IGF2BP3: variants seen among roughly 807,000 people sequenced by gnomAD.
IGF2BP3 encodes the protein insulin-like growth factor 2 mRNA-binding protein 3.
In IGF2BP3, 9 loss-of-function variants were observed where a neutral mutation model predicts 73.8. The ratio of observed to expected loss-of-function variants is 0.12; its 90% CI spans 0.07 to 0.21. The LOEUF (loss-of-function observed/expected upper bound fraction) is 0.21, where lower values mean the gene tolerates loss of function less well. IGF2BP3 is among the 10% of genes least tolerant of loss of function. The probability of loss-of-function intolerance (pLI) is 1.00; values close to 1 mark genes in which losing one functional copy is unlikely to be tolerated. For missense variants in IGF2BP3, 542 were observed against 714.0 expected (o/e 0.76, Z 2.75); for synonymous variants, 258 against 256.7 (o/e 1.01, Z -0.05).
intron 3 of IGF2BP3, among the ~76,000 whole-genome samples, chr7:23,412,841 CCTTTT>C (rs1787067933): frequency 2.3e-5 from 2 of 87,928 alleles, no homozygotes; most frequent in African/African-American, 9.4e-5. Context: ...AAGACTCTGG[CCTTTT>C]TTTTTTTTTT....
chr7:23,375,584 G>A (rs1785692173), intron 3 of IGF2BP3, among the ~76,000 whole-genome samples: 1 of 152,158 alleles, frequency 6.6e-6, no homozygotes, highest in South Asian at 2.1e-4. Context: ...TAAATTACTA[G>A]AGAAAAAGGG....
chr7:23,439,938 C>A (rs1015009557), intron 2 of IGF2BP3, among the ~76,000 whole-genome samples: 2 of 152,178 alleles, frequency 1.3e-5, no homozygotes, highest in Admixed American at 1.3e-4. Flanking sequence ...TGGCCCTTTC[C>A]TCTCTGCCAA....
intron 2 of IGF2BP3, among the ~76,000 whole-genome samples, chr7:23,461,403 C>T (rs1366740255): frequency 6.6e-6 from 1 of 152,188 alleles, no homozygotes; most frequent in Non-Finnish European, 1.5e-5. Flanking sequence ...TATCTGCCTA[C>T]TAACCTTCTT....
rs370085324 is a variant in IGF2BP3 at position 23,350,039 on chromosome 7, TCTC to T, written c.683+1263_683+1265del. On this transcript the variant is annotated intron_variant, in intron 6 of 14. Transcript: ENST00000258729. ...GCATTCAGGTAACCAGCACCCAACA[TCTC>T]CTGCTTCAAAGCAGGGGAAGGCAGG... 5.5e-3 allele frequency among the ~76,000 whole-genome samples: 844 copies of T among 152,202 alleles called. 3 individuals are homozygous for T. The highest frequency in any genetic ancestry group is 0.02 in the African/African-American group (814 of 41,532).
chr7:23,351,284 CCA>C lies in IGF2BP3; in HGVS notation c.683+19_683+20del. The C allele has an allele frequency of 3.1e-6, 5 of 1,611,916 alleles. No individual in the cohort carries two copies. The highest frequency in any genetic ancestry group is 4.2e-6 in the Non-Finnish European group (5 of 1,179,114). On this transcript the variant is annotated intron_variant, in intron 6 of 14. Coordinates refer to ENST00000258729, the MANE Select transcript of IGF2BP3 (RefSeq NM_006547.3). ...CAAGGGGAATTCTCATGAACACCCA[CCA>C]CACACTCAGCATACTCACTTAGACT...
chr7:23,439,374 G>A (rs1787877086), intron 2 of IGF2BP3, among the ~76,000 whole-genome samples: 1 of 151,320 alleles, frequency 6.6e-6, no homozygotes, highest in African/African-American at 2.4e-5. Flanking sequence ...CTAACACGGT[G>A]AAACCCCACC....
At chr7:23,368,668 C>CG (rs1785457707) in intron 3 of IGF2BP3, among the ~76,000 whole-genome samples, 1 of 152,062 alleles carries the variant, frequency 6.6e-6, no homozygotes, top group South Asian at 2.1e-4. Context: ...AAGGCCAAAG[C>CG]GGGCGGATCA....
intron 3 of IGF2BP3, among the ~76,000 whole-genome samples, chr7:23,387,238 A>C (rs549499431): frequency 2.0e-5 from 3 of 152,162 alleles, no homozygotes; most frequent in South Asian, 4.1e-4. Context: ...CAGTCTAATA[A>C]TGGGAAAAAC....
rs1784766742 is a variant in IGF2BP3 at position 23,343,724 on chromosome 7, A to G, written c.1071T>C (p.Ser357=). The G allele has an allele frequency of 6.2e-7, 1 of 1,610,772 alleles. No individual in the cohort carries two copies. Residue 357 remains serine, a synonymous_variant, in exon 9 of 15, where the codon TCT becomes TCC. Transcript: ENST00000258729. ...CCTTCATAACAAAACTAACATTCAT[A>G]GAAGCAATATCATTTTCATAAGACT... ...IRESYENDIA[S]MNLQAHLIPG... is the part of the protein sequence containing the mutation.
intron 3 of IGF2BP3, among the ~76,000 whole-genome samples, chr7:23,417,489 T>C (rs1358873904): frequency 6.6e-6 from 1 of 152,148 alleles, no homozygotes; most frequent in Non-Finnish European, 1.5e-5. Context: ...ATTCTCTAAA[T>C]TTGAAGAGAT....
intron 2 of IGF2BP3, among the ~76,000 whole-genome samples, chr7:23,433,269 A>G (rs1237578236): frequency 6.6e-6 from 1 of 152,094 alleles, no homozygotes; most frequent in Non-Finnish European, 1.5e-5. Context: ...TTAAACAGTG[A>G]TTTTTAGAAA....
At chr7:23,371,360 A>T (rs1785537527) in intron 3 of IGF2BP3, among the ~76,000 whole-genome samples, 1 of 152,200 alleles carries the variant, frequency 6.6e-6, no homozygotes, top group Non-Finnish European at 1.5e-5. Flanking sequence ...TACAAACAGG[A>T]ACTACTTATC....
At chr7:23,409,330 A>G (rs770566311) in intron 3 of IGF2BP3, among the ~76,000 whole-genome samples, 2 of 152,198 alleles carry the variant, frequency 1.3e-5, no homozygotes, top group African/African-American at 2.4e-5. Context: ...TTATTCCAAA[A>G]GGGTTTTTTT....
At chr7:23,372,606 T>C (rs1422808762) in intron 3 of IGF2BP3, among the ~76,000 whole-genome samples, 1 of 152,158 alleles carries the variant, frequency 6.6e-6, no homozygotes, top group East Asian at 1.9e-4. Context: ...GTTACTTCAC[T>C]TAGAATAATA....
chr7:23,414,930 C>T (rs1279682966), intron 3 of IGF2BP3: 1 of 169,080 alleles, frequency 5.9e-6, no homozygotes, highest in Non-Finnish European at 1.3e-5. Flanking sequence ...AAGTCCCTCT[C>T]CGTCAGTCAG....
chr7:23,316,450 G>A (rs996047585), intron 12 of IGF2BP3, among the ~76,000 whole-genome samples: 1 of 152,156 alleles, frequency 6.6e-6, no homozygotes, highest in African/African-American at 2.4e-5. Flanking sequence ...GGGAGGCTAA[G>A]GTGGGCGGAT....
chr7:23,388,370 A>T (rs1029788703), intron 3 of IGF2BP3, among the ~76,000 whole-genome samples: 1 of 152,214 alleles, frequency 6.6e-6, no homozygotes, highest in East Asian at 1.9e-4. Flanking sequence ...GGGCCTACGT[A>T]TTCAACTGAC....
chr7:23,386,169 AT>A (rs1786075968), intron 3 of IGF2BP3, among the ~76,000 whole-genome samples: 1 of 152,192 alleles, frequency 6.6e-6, no homozygotes, highest in South Asian at 2.1e-4. Context: ...ACATTTGTAA[AT>A]GCTTAAAAAT....
intron 10 of IGF2BP3, among the ~76,000 whole-genome samples, chr7:23,339,785 G>C (rs570044512): frequency 1.4e-4 from 22 of 152,272 alleles, no homozygotes; most frequent in Non-Finnish European, 3.2e-4. Flanking sequence ...CACATGATCA[G>C]CTCATTGTAC....
Sources: gnomAD v4.1 joint callset for allele counts (sites outside exome capture counted in the v4.1 genomes callset) on GRCh38, gnomAD v4.1.1 for gene constraint, MANE v1.5 for transcripts, NCBI Gene and HGNC (gene_info 2026-07-23, HGNC 2026-07-21) for gene names.